The following KIF26B variants were observed in gnomAD, a reference collection of about 807,000 sequenced individuals.
KIF26B encodes kinesin-like protein KIF26B.
In KIF26B, 63 loss-of-function variants were observed where a neutral mutation model predicts 151.2. The ratio of observed to expected loss-of-function variants is 0.42; its 90% CI spans 0.34 to 0.51. KIF26B has a LOEUF of 0.51. Among genes scored for constraint, KIF26B ranks in the 20% least tolerant of loss-of-function variants. The probability of loss-of-function intolerance (pLI) is 0.07; values close to 1 mark genes in which losing one functional copy is unlikely to be tolerated. For missense variants in KIF26B, 2,813 were observed against 2,913.6 expected, an observed-to-expected ratio of 0.97 and a Z score of 0.79; for synonymous variants, 1,357 against 1,262.1, an observed-to-expected ratio of 1.08 and a Z score of -1.59.
At chr1:245,266,696 G>A (rs958508271) in intron 2 of KIF26B, among the ~76,000 whole-genome samples, 1 of 151,998 alleles carries the variant, frequency 6.6e-6, no homozygotes, top group Non-Finnish European at 1.5e-5. Context: ...TAGTAGGGAC[G>A]GGGTTTCACC....
At chr1:245,313,241 G>A (rs763444161) in intron 2 of KIF26B, among the ~76,000 whole-genome samples, 3 of 152,254 alleles carry the variant, frequency 2.0e-5, no homozygotes, top group Non-Finnish European at 2.9e-5. Context: ...GCTGGGTTAA[G>A]TTGTGGCTAC....
In KIF26B at chr1:245,227,331, AC is replaced by A. The variant is rs1267851525; in HGVS notation, c.465+70649del. Among the ~76,000 whole-genome samples the A allele has an allele frequency of 6.6e-6, 1 of 152,232 alleles. No homozygotes were observed. The highest frequency in any genetic ancestry group is 1.5e-5 in the Non-Finnish European group (1 of 68,038). Reference sequence around the variant, plus strand: ...TAATGTTGCTAAAATTAGCAGTGTAACAAAACTTCCCATGTGATGTAGCACA... The same window carrying A: ...TAATGTTGCTAAAATTAGCAGTGTAAAAAACTTCCCATGTGATGTAGCACA... On this transcript the variant is annotated intron_variant, in intron 2 of 14. Coordinates refer to ENST00000407071, the MANE Select transcript of KIF26B (RefSeq NM_018012.4). This position sits in a 1 kb window ranked among gnomAD's most constrained non-coding sequence, Gnocchi z 4.1.
intron 2 of KIF26B, among the ~76,000 whole-genome samples, chr1:245,323,974 C>T (rs1200545953): frequency 7.1e-6 from 1 of 141,656 alleles, no homozygotes; most frequent in African/African-American, 2.7e-5. Context: ...GTGGGGTGGG[C>T]CCTGCCATGG....
At chr1:245,467,126 G>C (rs760316461) in intron 4 of KIF26B, among the ~76,000 whole-genome samples, 23 of 152,178 alleles carry the variant, frequency 1.5e-4, no homozygotes, top group Non-Finnish European at 2.6e-4. Context: ...AAGTCAGGGA[G>C]CTTTGGACTT....
chr1:245,393,160 A>C (rs1032121263), intron 3 of KIF26B, among the ~76,000 whole-genome samples: 1 of 152,118 alleles, frequency 6.6e-6, no homozygotes, highest in African/African-American at 2.4e-5. Context: ...AACAGAGTGA[A>C]ACTCTGTCTT....
intron 5 of KIF26B, among the ~76,000 whole-genome samples, chr1:245,566,104 C>A (rs963061990): frequency 6.6e-6 from 1 of 152,240 alleles, no homozygotes; most frequent in African/African-American, 2.4e-5. Flanking sequence ...CAGTCACCTC[C>A]CAGCAGGCCC....
At chr1:245,208,837 C>T (rs1216897527) in intron 2 of KIF26B, among the ~76,000 whole-genome samples, 1 of 152,174 alleles carries the variant, frequency 6.6e-6, no homozygotes, top group Non-Finnish European at 1.5e-5. Flanking sequence ...CCAGTGAGCT[C>T]AGCTAGCCCA....
chr1:245,384,085 C>T (rs371337313), intron 3 of KIF26B, among the ~76,000 whole-genome samples: 53 of 152,288 alleles, frequency 3.5e-4, no homozygotes, highest in Admixed American at 1.2e-3. Flanking sequence ...AAACTGAAGT[C>T]GCACGCTGCT....
At chr1:245,376,114 A>C (rs1485496581) in intron 3 of KIF26B, among the ~76,000 whole-genome samples, 3 of 152,142 alleles carry the variant, frequency 2.0e-5, no homozygotes, top group African/African-American at 7.2e-5. Context: ...GGGGAAGGAG[A>C]GACTTCACTG....
In KIF26B at chr1:245,486,266, C is replaced by T. The variant is rs1181765418; in HGVS notation, c.1167-54501C>T. ...AGTGAGAAACTCCAGAAAAAGGCTTCTGCCTCTTTTTACGAGGGTCGTATT... is the reference window on the plus strand; with the variant it reads ...AGTGAGAAACTCCAGAAAAAGGCTTTTGCCTCTTTTTACGAGGGTCGTATT... On this transcript the variant is annotated intron_variant, in intron 4 of 14. Coordinates refer to ENST00000407071, the MANE Select transcript of KIF26B (RefSeq NM_018012.4). Among the ~76,000 whole-genome samples, 4 of 152,194 alleles carry T rather than the reference C, an allele frequency of 2.6e-5. No homozygotes were observed. In the South Asian group the frequency reaches 6.2e-4, roughly 24 times the overall value.
At chr1:245,616,519 A>G (rs925782100) in intron 9 of KIF26B, among the ~76,000 whole-genome samples, 1 of 152,204 alleles carries the variant, frequency 6.6e-6, no homozygotes, top group African/African-American at 2.4e-5. Flanking sequence ...ATATGTAATG[A>G]TCCCTTGGGA....
At chr1:245,345,695 C>T (rs1238572916) in intron 2 of KIF26B, among the ~76,000 whole-genome samples, 1 of 151,992 alleles carries the variant, frequency 6.6e-6, no homozygotes, top group South Asian at 2.1e-4. Context: ...AGTGAGTTCT[C>T]GTGAGATCTG....
In KIF26B at chr1:245,512,489, T is replaced by C. The variant is rs1394174811; in HGVS notation, c.1167-28278T>C. ...CTGTGAGCAGTAGAATGAGATCATA[T>C]CTTACAAACCTGACCCAAAGTGTTC... On this transcript the variant is annotated intron_variant, in intron 4 of 14. Coordinates refer to ENST00000407071, the MANE Select transcript of KIF26B (RefSeq NM_018012.4). The surrounding 1 kb of genome is among the most constrained non-coding windows in gnomAD (Gnocchi z 4.3). 1.3e-5 allele frequency among the ~76,000 whole-genome samples: 2 copies of C among 152,158 alleles called. No individual in the cohort carries two copies. The highest frequency in any genetic ancestry group is 6.5e-5 in the Admixed American group (1 of 15,270).
At chr1:245,640,143 C>CTCTCTCTCTCTATATATATATA in intron 9 of KIF26B, among the ~76,000 whole-genome samples, 1 of 31,922 alleles carries the variant, frequency 3.1e-5, no homozygotes, top group African/African-American at 1.4e-4. Context: ...CTCTCTCTCT[C>CTCTCTCTCTCTATATATATATA]TATATATATA....
At position 245,667,602 on chromosome 1, in the gene KIF26B, T is replaced by G. The variant is rs956483377; in HGVS notation, c.2259-16631T>G. On this transcript the variant is annotated intron_variant, in intron 10 of 14. Transcript: ENST00000407071. The surrounding 1 kb of genome is among the most constrained non-coding windows in gnomAD (Gnocchi z 4.3). ...AGAGGTACACCCAGTAGATACTTATTTAAATACTTATAGAAAGACGACTTT... is the reference window on the plus strand; with the variant it reads ...AGAGGTACACCCAGTAGATACTTATGTAAATACTTATAGAAAGACGACTTT... 2.0e-5 allele frequency among the ~76,000 whole-genome samples: 3 copies of G among 152,164 alleles called. No homozygotes were observed. Among genetic ancestry groups the G allele is most frequent in the Admixed American group, 6.5e-5 (1 of 15,288 alleles).
Position 245,606,136 on chromosome 1 carries a change from C to G in KIF26B, c.1558-1515C>G, listed in dbSNP as rs1189080006. ...CTAAGTCCTGGGGGGTTTGAAAGAT[C>G]CTGTGTGCCCTACAGCAGCCCTGTC... On this transcript the variant is annotated intron_variant, in intron 6 of 14. Coordinates refer to ENST00000407071, the MANE Select transcript of KIF26B (RefSeq NM_018012.4). This position sits in a 1 kb window ranked among gnomAD's most constrained non-coding sequence, Gnocchi z 4.6. 6.6e-6 allele frequency among the ~76,000 whole-genome samples: 1 copy of G among 152,092 alleles called. No homozygotes were observed. Among genetic ancestry groups the G allele is most frequent in the African/African-American group, 2.4e-5 (1 of 41,436 alleles).
Position 245,458,659 on chromosome 1 carries a change from C to CATGT in KIF26B, c.1166+38916_1166+38919dup, listed in dbSNP as rs1314458403. On this transcript the variant is annotated intron_variant, in intron 4 of 14. Transcript: ENST00000407071. Reference sequence around the variant, plus strand: ...GAGTAGTAATGGATGTAATCTTGTACATGTACATGTTAATTGCAGCACTTT... The same window carrying CATGT: ...GAGTAGTAATGGATGTAATCTTGTACATGTATGTACATGTTAATTGCAGCACTTT... Among the ~76,000 whole-genome samples, 3 of 152,266 alleles carry CATGT rather than the reference C, an allele frequency of 2.0e-5. No homozygotes were observed. In the East Asian group the frequency reaches 5.8e-4, roughly 29 times the overall value.
In KIF26B at chr1:245,707,770, G is replaced by A. The variant is rs544032798; in HGVS notation, c.*5164G>A. 6.6e-5 allele frequency: 10 copies of A among 152,292 alleles called. No individual in the cohort carries two copies. Among genetic ancestry groups the A allele is most frequent in the South Asian group, 2.1e-4 (1 of 4,820 alleles). 9.4% of individuals were successfully genotyped at this position (152,292 alleles called of 1,614,324 possible). A position where few individuals can be genotyped will look rare whatever the true frequency, so the allele number is the denominator to read the frequency against. ...GCAGCCAAATGGGAAAGATCCCTTC[G>A]TTTTGAATTTGATGAGAATGGGCTT... On this transcript the variant is annotated 3_prime_UTR_variant, in exon 15 of 15. Transcript: ENST00000407071.
chr1:245,158,893 C>T (rs1344016323), intron 2 of KIF26B, among the ~76,000 whole-genome samples: 1 of 150,614 alleles, frequency 6.6e-6, no homozygotes, highest in Admixed American at 6.6e-5. Flanking sequence ...AGCATTTGTA[C>T]CTTGCATTTA....
Sources: gnomAD v4.1 joint callset for allele counts (sites outside exome capture counted in the v4.1 genomes callset) on GRCh38, gnomAD v4.1.1 for gene constraint, Gnocchi (gnomAD v3.1) non-coding constraint, MANE v1.5 for transcripts, NCBI Gene and HGNC (gene_info 2026-07-23, HGNC 2026-07-21) for gene names.